Variants in RBM6 observed in about 807,000 individuals in gnomAD.
RBM6 encodes RNA-binding protein 6.
A neutral mutation model predicts 140.4 loss-of-function variants in RBM6; 23 were observed. That is an observed-to-expected ratio of 0.16 (90% CI 0.12 to 0.23). RBM6 has a LOEUF of 0.23. Ranked by LOEUF, RBM6 falls within the 10% of genes least tolerant of loss-of-function variation. The pLI, the probability that RBM6 is intolerant of heterozygous loss-of-function variation, is 1.00. For synonymous variants in RBM6, 439 were observed against 475.6 expected, an observed-to-expected ratio of 0.92 and a Z score of 1.00; for missense variants, 1,139 against 1,386.7, an observed-to-expected ratio of 0.82 and a Z score of 2.84.
chr3:49,994,981 A>G (rs1056623901), intron 5 of RBM6, among the ~76,000 whole-genome samples: 39 of 152,192 alleles, frequency 2.6e-4, no homozygotes, highest in Middle Eastern at 3.2e-3. Flanking sequence ...TGGGCCTGTT[A>G]TAGACTAATA....
intron 5 of RBM6, among the ~76,000 whole-genome samples, chr3:49,979,295 GT>G (rs1308605233): frequency 6.6e-6 from 1 of 152,242 alleles, no homozygotes; most frequent in East Asian, 1.9e-4. Flanking sequence ...CTCCCTAATG[GT>G]TATGGTACTT....
At chr3:50,026,562 G>A (rs1016742855) in intron 6 of RBM6, among the ~76,000 whole-genome samples, 3 of 150,086 alleles carry the variant, frequency 2.0e-5, no homozygotes, top group African/African-American at 7.4e-5. Flanking sequence ...TGTATTTTTA[G>A]TAAAGCCAGA....
At chr3:50,066,566 G>C in intron 17 of RBM6, 64 bp downstream of exon 17, 1 of 1,558,070 alleles carries the variant, frequency 6.4e-7, no homozygotes, top group Non-Finnish European at 8.7e-7. Flanking sequence ...TGTGGCTCAT[G>C]CCTGTAATCC....
chr3:49,964,162 C>T (rs1319165382), intron 2 of RBM6, among the ~76,000 whole-genome samples: 1 of 152,134 alleles, frequency 6.6e-6, no homozygotes, highest in Non-Finnish European at 1.5e-5. Flanking sequence ...CTACCTCAGC[C>T]TCCCAAAGTG....
At chr3:49,982,116 C>T (rs557005741) in intron 5 of RBM6, among the ~76,000 whole-genome samples, 84 of 152,230 alleles carry the variant, frequency 5.5e-4, no homozygotes, top group Non-Finnish European at 1.1e-3. Context: ...TGGACAGTCT[C>T]TGTATTCTTG....
intron 5 of RBM6, among the ~76,000 whole-genome samples, chr3:49,979,151 A>G (rs1011491187): frequency 6.6e-6 from 1 of 152,198 alleles, no homozygotes; most frequent in South Asian, 2.1e-4. Context: ...CCTTGAAAAC[A>G]TTATAAAAGA....
intron 6 of RBM6, among the ~76,000 whole-genome samples, chr3:50,014,482 T>C (rs1349113751): frequency 6.6e-6 from 1 of 152,236 alleles, no homozygotes; most frequent in Non-Finnish European, 1.5e-5. Flanking sequence ...TCAAAATAGA[T>C]GTTACTTCAT....
chr3:50,043,365 C>A (rs2089034389), intron 6 of RBM6, among the ~76,000 whole-genome samples: 1 of 151,660 alleles, frequency 6.6e-6, no homozygotes, highest in South Asian at 2.1e-4. Flanking sequence ...CACCTGTAAT[C>A]CCAGCTACTT....
At chr3:49,979,277 G>A (rs2085196330) in intron 5 of RBM6, among the ~76,000 whole-genome samples, 1 of 152,054 alleles carries the variant, frequency 6.6e-6, no homozygotes, top group African/African-American at 2.4e-5. Flanking sequence ...AGCGGGAATG[G>A]GGAACGACTC....
intron 1 of RBM6, among the ~76,000 whole-genome samples, chr3:49,954,849 C>T (rs2083901086): frequency 6.6e-6 from 1 of 151,522 alleles, no homozygotes; most frequent in African/African-American, 2.4e-5. Context: ...AGCTCCGCCT[C>T]CCAGGTTCAC....
At chr3:50,021,942 T>C (rs1392735801) in intron 6 of RBM6, among the ~76,000 whole-genome samples, 1 of 151,256 alleles carries the variant, frequency 6.6e-6, no homozygotes, top group East Asian at 2.0e-4. Context: ...GTAGCTTCTC[T>C]AGAGAAGGGA....
At chr3:49,946,514 A>G (rs910021760) in intron 1 of RBM6, among the ~76,000 whole-genome samples, 4 of 151,884 alleles carry the variant, frequency 2.6e-5, no homozygotes, top group Admixed American at 6.6e-5. Context: ...TGTTGGGATT[A>G]TAAGCATGAG....
intron 5 of RBM6, among the ~76,000 whole-genome samples, chr3:49,996,488 C>A (rs1298369309): frequency 6.6e-6 from 1 of 152,062 alleles, no homozygotes; most frequent in Non-Finnish European, 1.5e-5. Flanking sequence ...ATTTTTAAGG[C>A]TCTTAAAATA....
rs2108948642 is a variant in RBM6, at chr3:50,070,468, G to A, written c.3032G>A (p.Gly1011Glu). The A allele has an allele frequency of 1.9e-6, 3 of 1,613,890 alleles. No individual in the cohort carries two copies. Among genetic ancestry groups the A allele is most frequent in the Non-Finnish European group, 2.5e-6 (3 of 1,179,812 alleles). ...GCTTACCAACAGGGAAAGTTTAAAG[G>A]AAGAGGAAATGATCGCAGGGAAAAG... ...ERREREGKFK[G>E]RGNDRREKLQ... Residue 1011 changes from glycine to glutamate, a missense_variant, in exon 19 of 21, where the codon GGA becomes GAA. Gly to Glu is a moderately conservative substitution (Grantham distance 98). Around this residue, in one of 9 missense-constraint regions of RBM6, gnomAD observed 125 missense variants for 142.0 expected, o/e 0.88. Coordinates refer to ENST00000266022, the MANE Select transcript of RBM6 (RefSeq NM_005777.3).
At chr3:49,952,542 C>T (rs1231225674) in intron 1 of RBM6, among the ~76,000 whole-genome samples, 1 of 151,308 alleles carries the variant, frequency 6.6e-6, no homozygotes, top group African/African-American at 2.4e-5. Flanking sequence ...CTCTTGTTGC[C>T]CAGGCTGGTG....
At chr3:50,040,058 A>G (rs1046793092) in intron 6 of RBM6, among the ~76,000 whole-genome samples, 1 of 152,118 alleles carries the variant, frequency 6.6e-6, no homozygotes, top group African/African-American at 2.4e-5. Flanking sequence ...GGCATTTTCT[A>G]GAACCTGAAT....
At chr3:49,987,141 T>G (rs1176878923) in intron 5 of RBM6, among the ~76,000 whole-genome samples, 4 of 151,948 alleles carry the variant, frequency 2.6e-5, no homozygotes, top group Admixed American at 6.6e-5. Flanking sequence ...GGCACGATCT[T>G]GGCTCACTGC....
At chr3:49,986,855 G>A (rs954656667) in intron 5 of RBM6, among the ~76,000 whole-genome samples, 16 of 147,960 alleles carry the variant, frequency 1.1e-4, no homozygotes, top group South Asian at 9.2e-4. Context: ...GCATGCTCAC[G>A]GCTCACTGCA....
At chr3:50,058,872 C>T (rs1170210441) in intron 10 of RBM6, 2 of 174,974 alleles carry the variant, frequency 1.1e-5, no homozygotes, top group South Asian at 1.5e-4. Flanking sequence ...GCCGAGATCG[C>T]GCCACTGCAC....
Sources: gnomAD v4.1 joint callset for allele counts (sites outside exome capture counted in the v4.1 genomes callset) on GRCh38, gnomAD v4.1.1 for gene constraint, gnomAD v4.1.1 regional missense constraint, MANE v1.5 for transcripts, NCBI Gene and HGNC (gene_info 2026-07-23, HGNC 2026-07-21) for gene names.